The following MCTP1 variants were observed in gnomAD, a reference collection of about 807,000 sequenced individuals.
MCTP1 encodes multiple C2 and transmembrane domain containing 1.
MCTP1 carries 69 observed loss-of-function variants against 120.6 expected under a neutral mutation model. The observed-to-expected ratio is 0.57, with a 90% CI of 0.47 to 0.70. MCTP1 has a LOEUF of 0.70. Ranked by LOEUF, MCTP1 falls within the 30% of genes least tolerant of loss-of-function variation. The probability of loss-of-function intolerance (pLI) is 0.00; values close to 1 mark genes in which losing one functional copy is unlikely to be tolerated. For synonymous variants in MCTP1, 529 were observed against 493.1 expected (o/e 1.07, Z -0.96); for missense variants, 1,203 against 1,248.8 (o/e 0.96, Z 0.55).
At chr5:94,778,963 AC>A in intron 19 of MCTP1, 146 bp downstream of exon 19, 2 of 677,200 alleles carry the variant, frequency 3.0e-6, no homozygotes, top group Non-Finnish European at 5.4e-6. Flanking sequence ...TCTTTGCAAC[AC>A]GCAGTGGCAT....
intron 1 of MCTP1, among the ~76,000 whole-genome samples, chr5:95,145,166 T>C (rs775540967): frequency 2.0e-5 from 3 of 152,122 alleles, no homozygotes; most frequent in Non-Finnish European, 4.4e-5. Flanking sequence ...CTATTTTAAA[T>C]GGGATTGTGT....
intron 1 of MCTP1, among the ~76,000 whole-genome samples, chr5:95,138,237 C>T (rs1207920081): frequency 2.7e-5 from 4 of 150,318 alleles, no homozygotes; most frequent in Non-Finnish European, 5.9e-5. Context: ...GATGCAACCC[C>T]CCCCCGACAT....
chr5:94,992,774 CCCCATCCCTTCCCCAT>C (rs72114391), intron 2 of MCTP1, among the ~76,000 whole-genome samples: 71,570 of 151,848 alleles, frequency 0.47, 18,431 homozygotes, highest in Non-Finnish European at 0.58. Flanking sequence ...CTGTGTTGGC[CCCCATCCCTTCCCCAT>C]CTCAACCTTC....
At chr5:94,807,432 T>C (rs989550402) in intron 17 of MCTP1, among the ~76,000 whole-genome samples, 2 of 152,198 alleles carry the variant, frequency 1.3e-5, no homozygotes, top group African/African-American at 4.8e-5. Flanking sequence ...ATATTGCTTT[T>C]CATTTTGAAA....
intron 1 of MCTP1, among the ~76,000 whole-genome samples, chr5:95,247,227 C>T (rs575351645): frequency 6.4e-4 from 97 of 152,142 alleles, no homozygotes; most frequent in Non-Finnish European, 1.1e-3. Flanking sequence ...TCTGTGGGAT[C>T]GGTGGTGATG....
At chr5:94,989,087 A>T (rs922624903) in intron 2 of MCTP1, among the ~76,000 whole-genome samples, 2 of 152,030 alleles carry the variant, frequency 1.3e-5, no homozygotes, top group Admixed American at 6.6e-5. Flanking sequence ...TCATTTTTTT[A>T]AAAAAACAAA....
At chr5:95,160,713 A>C (rs986830603) in intron 1 of MCTP1, among the ~76,000 whole-genome samples, 2 of 113,084 alleles carry the variant, frequency 1.8e-5, no homozygotes, top group African/African-American at 5.8e-5. Flanking sequence ...ATGTCTAATA[A>C]GGGGCTAATA....
intron 1 of MCTP1, among the ~76,000 whole-genome samples, chr5:95,140,339 C>T (rs919749271): frequency 1.3e-5 from 2 of 151,980 alleles, no homozygotes; most frequent in Admixed American, 6.6e-5. Context: ...ATTAGTAACA[C>T]GGGAAAAAAT....
chr5:95,242,353 T>A (rs1756261502), intron 1 of MCTP1, among the ~76,000 whole-genome samples: 1 of 152,206 alleles, frequency 6.6e-6, no homozygotes, highest in African/African-American at 2.4e-5. Flanking sequence ...ATGGTTGGCA[T>A]CTTTTTAAAG....
chr5:94,828,655 G>A (rs1257279903), intron 17 of MCTP1, among the ~76,000 whole-genome samples: 2 of 152,216 alleles, frequency 1.3e-5, no homozygotes, highest in African/African-American at 4.8e-5. Flanking sequence ...GCCCTGCCCA[G>A]AGAGGAGGAA....
intron 1 of MCTP1, among the ~76,000 whole-genome samples, chr5:95,123,013 G>T (rs994272613): frequency 6.6e-6 from 1 of 152,178 alleles, no homozygotes; most frequent in Non-Finnish European, 1.5e-5. Flanking sequence ...AGTGCAGATG[G>T]TTAATGGGTT....
intron 1 of MCTP1, among the ~76,000 whole-genome samples, chr5:95,171,228 G>C: frequency 6.6e-6 from 1 of 152,118 alleles, no homozygotes; most frequent in East Asian, 1.9e-4. Flanking sequence ...TAAGAATGTT[G>C]AATATTGGCC....
chr5:94,952,171 C>CAAA (rs57358026), intron 3 of MCTP1, among the ~76,000 whole-genome samples: 7 of 87,874 alleles, frequency 8.0e-5, no homozygotes, highest in East Asian at 4.2e-4. Flanking sequence ...GACTTTGTCG[C>CAAA]AAAAAAAAAA....
chr5:94,914,577 T>C (rs1226976184), intron 8 of MCTP1, among the ~76,000 whole-genome samples: 2 of 152,258 alleles, frequency 1.3e-5, no homozygotes, highest in Admixed American at 6.5e-5. Context: ...CATTTTGAAC[T>C]TTGCCTGGTG....
At position 94,942,409 on chromosome 5, in the gene MCTP1, C is replaced by T. The variant is rs1817933203; in HGVS notation, c.1000G>A (p.Gly334Arg). 1.9e-6 allele frequency: 3 copies of T among 1,609,950 alleles called. No homozygotes were observed. Among genetic ancestry groups the T allele is most frequent in the Non-Finnish European group, 2.5e-6 (3 of 1,177,414 alleles). The change falls in exon 4 of 23, where the codon GGA (glycine) becomes AGA (arginine). Residue 334 changes from glycine to arginine, a missense_variant. Gly to Arg is a moderately radical substitution (Grantham distance 125, BLOSUM62 -2). Around this residue, in one of 2 missense-constraint regions of MCTP1, gnomAD observed 740 missense variants for 871.1 expected, o/e 0.85. Coordinates refer to ENST00000515393, the MANE Select transcript of MCTP1 (RefSeq NM_024717.7). ...GAGCCCATAAAGTCATCCTGTAGTC[C>T]AAAATCATAGTCAAATACCTGAGAT... ...LYIKVFDYDF[G>R]LQDDFMGSAF...
chr5:94,840,524 G>C (rs1189169199), intron 17 of MCTP1, among the ~76,000 whole-genome samples: 1 of 152,172 alleles, frequency 6.6e-6, no homozygotes, highest in African/African-American at 2.4e-5. Context: ...ACTCTCCTCT[G>C]CTGCTCTAGA....
chr5:95,069,782 T>C (rs963010231), intron 1 of MCTP1, among the ~76,000 whole-genome samples: 1 of 150,724 alleles, frequency 6.6e-6, no homozygotes, highest in African/African-American at 2.4e-5. Context: ...CACTGCAAGC[T>C]CTGCCTCCCG....
chr5:94,736,010 A>T (rs945493437), intron 19 of MCTP1, among the ~76,000 whole-genome samples: 20 of 152,154 alleles, frequency 1.3e-4, no homozygotes, highest in African/African-American at 4.8e-4. Context: ...CTGGTTTTGG[A>T]CCTTGCTAAC....
chr5:94,747,357 T>A (rs769073094), intron 19 of MCTP1, among the ~76,000 whole-genome samples: 7 of 152,218 alleles, frequency 4.6e-5, no homozygotes, highest in Non-Finnish European at 1.0e-4. Flanking sequence ...AGGCAAGTAT[T>A]ATTTTTGTTC....
Sources: gnomAD v4.1 joint callset for allele counts (sites outside exome capture counted in the v4.1 genomes callset) on GRCh38, gnomAD v4.1.1 for gene constraint, gnomAD v4.1.1 regional missense constraint, MANE v1.5 for transcripts, NCBI Gene and HGNC (gene_info 2026-07-23, HGNC 2026-07-21) for gene names.